The following ARHGAP19 variants were observed in gnomAD, a reference collection of about 807,000 sequenced individuals.
ARHGAP19 encodes Rho GTPase activating protein 19.
In ARHGAP19, 48 loss-of-function variants were observed where a neutral mutation model predicts 60.9. That is an observed-to-expected ratio of 0.79 (90% confidence interval 0.62 to 1.00). The LOEUF (loss-of-function observed/expected upper bound fraction) is 1.00. ARHGAP19 is among the 50% of genes least tolerant of loss of function. ARHGAP19 has a pLI of 0.00. For synonymous variants in ARHGAP19, 209 were observed against 215.5 expected (o/e 0.97, Z 0.27); for missense variants, 562 against 597.2 (o/e 0.94, Z 0.61).
chr10:97,264,090 G>T (rs1842865979), intron 3 of ARHGAP19, among the ~76,000 whole-genome samples: 2 of 152,068 alleles, frequency 1.3e-5, no homozygotes, highest in Admixed American at 1.3e-4. Context: ...ATTGCTCCAG[G>T]AATTAGAACT....
chr10:97,267,028 T>C (rs1842907199), intron 1 of ARHGAP19, among the ~76,000 whole-genome samples: 1 of 152,190 alleles, frequency 6.6e-6, no homozygotes, highest in Non-Finnish European at 1.5e-5. Flanking sequence ...TATTTCAGCA[T>C]TAACTCAAAA....
At chr10:97,292,521 C>A in intron 1 of ARHGAP19, 51 bp downstream of exon 1, 2 of 1,608,392 alleles carry the variant, frequency 1.2e-6, no homozygotes, top group Non-Finnish European at 1.7e-6. Context: ...GGCGGCAGGA[C>A]TACCAGCCCA....
intron 7 of ARHGAP19, among the ~76,000 whole-genome samples, chr10:97,245,543 C>G (rs2134842554): frequency 6.8e-6 from 1 of 147,820 alleles, no homozygotes; most frequent in African/African-American, 2.5e-5. Flanking sequence ...AACCAGGGAG[C>G]CAAGATCATG....
chr10:97,246,283 G>A lies in ARHGAP19; in HGVS notation c.982C>T (p.Gln328Ter). Residue 328 changes from glutamine (Q) to a stop codon, truncating the protein, a stop_gained, in exon 7 of 12, where the codon CAG becomes TAG. Transcript: ENST00000358531. LOFTEE classifies it high-confidence loss of function. ...ATTCCTATTCTTACCTTTGATGCCTGAGTTCTGGATCCCAAATAGTGCAAT... is the reference window on the plus strand; with the variant it reads ...ATTCCTATTCTTACCTTTGATGCCTAAGTTCTGGATCCCAAATAGTGCAAT... ...ARLHYLGSRT[Q>*]ASKDDLDLIA... 6.2e-7 allele frequency: 1 copy of A among 1,613,632 alleles called. No homozygotes were observed. Among genetic ancestry groups the A allele is most frequent in the South Asian group, 1.1e-5 (1 of 91,048 alleles).
chr10:97,274,589 T>C (rs941466253), intron 1 of ARHGAP19, among the ~76,000 whole-genome samples: 1 of 152,130 alleles, frequency 6.6e-6, no homozygotes, highest in Non-Finnish European at 1.5e-5. Context: ...AGCTGGGTAA[T>C]GGGAAGAATA....
At chr10:97,292,226 G>C (rs970869107) in intron 1 of ARHGAP19, among the ~76,000 whole-genome samples, 1 of 152,190 alleles carries the variant, frequency 6.6e-6, no homozygotes, top group Admixed American at 6.5e-5. Context: ...AGCGCTGTGT[G>C]CAACAGTGAG....
chr10:97,261,812 GA>G (rs1186121310), intron 4 of ARHGAP19, among the ~76,000 whole-genome samples: 5 of 152,108 alleles, frequency 3.3e-5, no homozygotes, highest in Admixed American at 2.6e-4. Flanking sequence ...TTGATGCTGT[GA>G]ACACTTAGAG....
intron 5 of ARHGAP19, among the ~76,000 whole-genome samples, chr10:97,256,949 G>A (rs902997646): frequency 3.3e-5 from 5 of 151,830 alleles, no homozygotes; most frequent in South Asian, 2.1e-4. Flanking sequence ...GTGAAACACC[G>A]TCTCTACCAA....
Position 97,278,092 on chromosome 10 carries a change from A to C in ARHGAP19, c.57-11967T>G, listed in dbSNP as rs1289247258. The C allele has an allele frequency of 3.3e-5, 5 of 153,378 alleles. No individual in the cohort carries two copies. In the South Asian group the frequency reaches 6.2e-4, roughly 19 times the overall value. 9.5% of individuals were successfully genotyped at this position (153,378 alleles called of 1,614,324 possible). A position where few individuals can be genotyped will look rare whatever the true frequency, so the allele number is the denominator to read the frequency against. ...CTACACATCTAAGAAACAAACTTAT[A>C]CTCTGTAAGCAGACCCATTACACTG... is the stretch of plus-strand genomic sequence containing the variant. On this transcript the variant is annotated intron_variant, in intron 1 of 11. Transcript: ENST00000358531.
rs567339585 is a variant in ARHGAP19 at position 97,227,284 on chromosome 10, C to T, written c.1475-1152G>A. On this transcript the variant is annotated intron_variant, in intron 11 of 11. Transcript: ENST00000358531. ...ATTGTTGTATAAAAGAAATACATGG[C>T]AGGCACCTGGATCTGTGGGCTTGGA... 7.6e-4 allele frequency among the ~76,000 whole-genome samples: 115 copies of T among 152,200 alleles called. 1 individual carries two copies. The highest frequency in any genetic ancestry group is 2.6e-3 in the African/African-American group (110 of 41,516).
chr10:97,252,223 G>A (rs1842693652), intron 6 of ARHGAP19, among the ~76,000 whole-genome samples: 1 of 151,904 alleles, frequency 6.6e-6, no homozygotes, highest in African/African-American at 2.4e-5. Context: ...TGCGCCTGTG[G>A]TCCCAGCTAA....
At chr10:97,235,381 C>T in intron 8 of ARHGAP19, 66 bp from the exon 9 acceptor site, 1 of 1,363,270 alleles carries the variant, frequency 7.3e-7, no homozygotes, top group African/African-American at 1.4e-5. Context: ...TCTGTGACAA[C>T]TAATAGCTAA....
intron 5 of ARHGAP19, chr10:97,258,723 C>T (rs140173868): frequency 6.5e-6 from 1 of 152,730 alleles, no homozygotes; most frequent in East Asian, 1.9e-4. Context: ...GATTGTGTTA[C>T]TCTCCTCCAG....
At chr10:97,231,695 T>A (rs553589152) in intron 9 of ARHGAP19, among the ~76,000 whole-genome samples, 1 of 152,336 alleles carries the variant, frequency 6.6e-6, no homozygotes, top group African/African-American at 2.4e-5. Flanking sequence ...AGGTTTGTCA[T>A]CCATTCATCA....
chr10:97,280,402 C>G (rs1442730138), intron 1 of ARHGAP19, among the ~76,000 whole-genome samples: 2 of 151,790 alleles, frequency 1.3e-5, no homozygotes, highest in Non-Finnish European at 1.5e-5. Context: ...GACCAAGACT[C>G]CATCTCAAAA....
rs1850887027 is a variant in ARHGAP19 at position 97,225,967 on chromosome 10, G to A, written c.*155C>T. On this transcript the variant is annotated 3_prime_UTR_variant, in exon 12 of 12. Coordinates refer to ENST00000358531, the MANE Select transcript of ARHGAP19 (RefSeq NM_032900.6). ...TTGCAAACATCATCCAGTGAGTGGG[G>A]TTAGAGGTATCAGTCGGGTCACGGT... is the stretch of plus-strand genomic sequence containing the variant. The A allele has an allele frequency of 2.8e-6, 2 of 710,934 alleles. No individual in the cohort carries two copies. The highest frequency in any genetic ancestry group is 5.2e-5 in the Admixed American group (2 of 38,508). The allele number at this position is 710,934 out of a possible 1,614,324, so 44.0% of individuals were successfully genotyped here.
rs1457168908 is a variant in ARHGAP19, at chr10:97,222,604, T to C, written c.*3518A>G. On this transcript the variant is annotated 3_prime_UTR_variant, in exon 12 of 12. Transcript: ENST00000358531. ...TAGCTGTCTGGGGAAGCTAACTTCCTACAGTGGGTTTTAGTTGAGTTAATC... is the reference window on the plus strand; with the variant it reads ...TAGCTGTCTGGGGAAGCTAACTTCCCACAGTGGGTTTTAGTTGAGTTAATC... 3.9e-5 allele frequency: 6 copies of C among 152,292 alleles called. No homozygotes were observed. Among genetic ancestry groups the C allele is most frequent in the African/African-American group, 1.4e-4 (6 of 41,472 alleles). The allele number at this position is 152,292 out of a possible 1,614,324, so 9.4% of individuals were successfully genotyped here. A position where few individuals can be genotyped will look rare whatever the true frequency, so the allele number is the denominator to read the frequency against.
At chr10:97,251,175 G>GCA (rs144126643) in intron 6 of ARHGAP19, among the ~76,000 whole-genome samples, 1 of 96,448 alleles carries the variant, frequency 1.0e-5, no homozygotes, top group Non-Finnish European at 2.1e-5. Context: ...GGAAGGGGAA[G>GCA]GGAAAGGGAA....
chr10:97,261,207 T>G lies in ARHGAP19; in HGVS notation c.614-1579A>C, dbSNP rs140698497. Among the ~76,000 whole-genome samples, 152 of 152,278 alleles carry G rather than the reference T, an allele frequency of 1.0e-3. 1 individual carries two copies. Among genetic ancestry groups the G allele is most frequent in the African/African-American group, 3.6e-3 (148 of 41,560 alleles). On this transcript the variant is annotated intron_variant, in intron 4 of 11. Transcript: ENST00000358531. ...ACACTAATAACCATTTGAGTACAACTCACATAGATGTAAAAATGATTACAG... is the reference window on the plus strand; with the variant it reads ...ACACTAATAACCATTTGAGTACAACGCACATAGATGTAAAAATGATTACAG...
Sources: allele counts gnomAD v4.1 joint callset (sites outside exome capture counted in the v4.1 genomes callset), GRCh38; gene constraint gnomAD v4.1.1; transcripts MANE v1.5; gene names NCBI Gene and HGNC (gene_info 2026-07-23, HGNC 2026-07-21).